ZNF267: variants seen among roughly 807,000 people sequenced by gnomAD.
ZNF267 encodes the protein zinc finger (C2H2).
In ZNF267, 61 loss-of-function variants were observed where a neutral mutation model predicts 71.6. The observed-to-expected ratio is 0.85, with a 90% CI of 0.69 to 1.05. The LOEUF (loss-of-function observed/expected upper bound fraction) is 1.05. Ranked by LOEUF, ZNF267 falls within the 50% of genes least tolerant of loss-of-function variation. The pLI is 0.00. For synonymous variants in ZNF267, 288 were observed against 293.2 expected, an observed-to-expected ratio of 0.98 and a Z score of 0.18; for missense variants, 852 against 870.0, an observed-to-expected ratio of 0.98 and a Z score of 0.26.
chr16:31,876,805 G>A (rs540862292), intron 1 of ZNF267, among the ~76,000 whole-genome samples: 1 of 152,302 alleles, frequency 6.6e-6, no homozygotes, highest in East Asian at 1.9e-4. Flanking sequence ...AGCTCAGAGA[G>A]TGCAAACTAA....
intron 3 of ZNF267, among the ~76,000 whole-genome samples, chr16:31,886,810 A>G (rs2083927466): frequency 6.6e-6 from 1 of 152,244 alleles, no homozygotes; most frequent in Non-Finnish European, 1.5e-5. Context: ...TATTGTGAAT[A>G]ATTGGCTATG....
chr16:31,886,974 C>T (rs2083928421), intron 3 of ZNF267, among the ~76,000 whole-genome samples: 1 of 152,088 alleles, frequency 6.6e-6, no homozygotes, highest in South Asian at 2.1e-4. Flanking sequence ...ATTTACATTT[C>T]CACTGACAGT....
Position 31,884,518 on chromosome 16 carries a change from T to C in ZNF267, c.24T>C (p.Asp8=). Reference sequence around the variant, plus strand: ...TTCAGGGACTGTTGACATTCAGGGATGTGGCCGTAGAATTCTCTTTGGAGG... The same window carrying C: ...TTCAGGGACTGTTGACATTCAGGGACGTGGCCGTAGAATTCTCTTTGGAGG... The part of the protein sequence containing the change: MGLLTFR[D]VAVEFSLEEW... Residue 8 remains aspartate, a synonymous_variant, in exon 2 of 4, where the codon GAT becomes GAC. Coordinates refer to ENST00000300870, the MANE Select transcript of ZNF267 (RefSeq NM_003414.6). 1 of 1,614,170 alleles carries C rather than the reference T, an allele frequency of 6.2e-7. No individual in the cohort carries two copies. Among genetic ancestry groups the C allele is most frequent in the African/African-American group, 1.3e-5 (1 of 75,058 alleles).
At chr16:31,907,097 T>C (rs8048908) in intron 3 of ZNF267, among the ~76,000 whole-genome samples, 133,585 of 151,938 alleles carry the variant, frequency 0.88, 60,239 homozygotes, top group East Asian at 1. Flanking sequence ...TGGCCTTGTA[T>C]GTGCCAAGTC....
intron 3 of ZNF267, among the ~76,000 whole-genome samples, chr16:31,909,374 C>A (rs2084118676): frequency 6.6e-6 from 1 of 152,068 alleles, no homozygotes; most frequent in Non-Finnish European, 1.5e-5. Context: ...CTCAAGTGAT[C>A]TGCCCACCTC....
chr16:31,898,779 G>C (rs1478668224), intron 3 of ZNF267, among the ~76,000 whole-genome samples: 1 of 152,012 alleles, frequency 6.6e-6, no homozygotes, highest in Non-Finnish European at 1.5e-5. Context: ...CATTAACACA[G>C]ATTTACGGTT....
chr16:31,880,047 A>C (rs564442654), intron 1 of ZNF267, among the ~76,000 whole-genome samples: 22 of 152,304 alleles, frequency 1.4e-4, no homozygotes, highest in Admixed American at 5.9e-4. Context: ...ATACACAAGA[A>C]TTGCAGAGCC....
intron 3 of ZNF267, among the ~76,000 whole-genome samples, chr16:31,907,756 G>A (rs1044559802): frequency 1.1e-4 from 16 of 152,078 alleles, no homozygotes; most frequent in Admixed American, 6.6e-5. Flanking sequence ...AATAAATATG[G>A]CTGGGCGCAG....
intron 3 of ZNF267, among the ~76,000 whole-genome samples, chr16:31,899,971 A>T (rs1293709630): frequency 1.3e-5 from 2 of 152,030 alleles, no homozygotes; most frequent in African/African-American, 4.8e-5. Context: ...ATTTTAATTG[A>T]ACCCTTGGTG....
intron 3 of ZNF267, among the ~76,000 whole-genome samples, chr16:31,903,149 G>A (rs1380871444): frequency 6.6e-6 from 1 of 152,150 alleles, no homozygotes; most frequent in South Asian, 2.1e-4. Flanking sequence ...ACTTGATCAT[G>A]GTGGATAAGG....
In ZNF267 at chr16:31,894,338, CACTT is replaced by C. The variant is rs927354115; in HGVS notation, c.226+9087_226+9090del. Among the ~76,000 whole-genome samples, 71 of 152,354 alleles carry C rather than the reference CACTT, an allele frequency of 4.7e-4. 1 individual carries two copies. The highest frequency in any genetic ancestry group is 7.9e-4 in the Non-Finnish European group (54 of 68,034). Reference sequence around the variant, plus strand: ...TGACTGTTTATGATTTCTTGGACCACACTTACTTTAGCAAGGTCTTCCTTATAGC... The same window carrying C: ...TGACTGTTTATGATTTCTTGGACCACACTTTAGCAAGGTCTTCCTTATAGC... On this transcript the variant is annotated intron_variant, in intron 3 of 3. Coordinates refer to ENST00000300870, the MANE Select transcript of ZNF267 (RefSeq NM_003414.6).
chr16:31,905,045 A>C (rs1479244347), intron 3 of ZNF267, among the ~76,000 whole-genome samples: 13 of 152,048 alleles, frequency 8.5e-5, no homozygotes, highest in Non-Finnish European at 1.9e-4. Flanking sequence ...TCACTTATGA[A>C]GCTTAGTTTG....
rs759989535 is a variant in ZNF267 at position 31,914,787 on chromosome 16, G to A, written c.538G>A (p.Glu180Lys). Residue 180 changes from glutamate (E) to lysine (K), a missense_variant, in exon 4 of 4, where the codon GAA (glutamate) becomes AAA (lysine). Coordinates refer to ENST00000300870, the MANE Select transcript of ZNF267 (RefSeq NM_003414.6). The stretch of plus-strand genomic sequence containing the variant: ...TTCATCATTGCTTAATCAACAAGAG[G>A]AAATAGATATTTGGGGAAAACATCA... The part of the protein sequence containing the change: ...THSSLLNQQE[E>K]IDIWGKHHIY... The A allele has an allele frequency of 6.8e-6, 11 of 1,613,158 alleles. No individual in the cohort carries two copies. Among genetic ancestry groups the A allele is most frequent in the Non-Finnish European group, 9.3e-6 (11 of 1,179,818 alleles).
rs1261534746 is a variant in ZNF267, at chr16:31,915,620, T to G, written c.1371T>G (p.Thr457=). 6.2e-7 allele frequency: 1 copy of G among 1,613,826 alleles called. No individual in the cohort carries two copies. The highest frequency in any genetic ancestry group is 1.3e-5 in the African/African-American group (1 of 75,024). The part of the protein sequence containing the change: ...RSSCLTQHQT[T]HTGEKLYKCK... ...CATGCCTTACTCAACATCAGACAACTCATACAGGAGAAAAACTTTACAAAT... is the reference window on the plus strand; with the variant it reads ...CATGCCTTACTCAACATCAGACAACGCATACAGGAGAAAAACTTTACAAAT... The change falls in exon 4 of 4, where the codon ACT becomes ACG. Residue 457 remains threonine (T), a synonymous_variant. Coordinates refer to ENST00000300870, the MANE Select transcript of ZNF267 (RefSeq NM_003414.6).
At chr16:31,894,690 C>T in intron 3 of ZNF267, 1 of 477,592 alleles carries the variant, frequency 2.1e-6, no homozygotes, top group East Asian at 5.5e-5. Flanking sequence ...TCCTGAGATA[C>T]CGCTCATGCC....
rs747655458 is a variant in ZNF267, at chr16:31,916,227, T to C, written c.1978T>C (p.Tyr660His). 2 of 1,614,020 alleles carry C rather than the reference T, an allele frequency of 1.2e-6. No individual in the cohort carries two copies. Among genetic ancestry groups the C allele is most frequent in the South Asian group, 2.2e-5 (2 of 91,082 alleles). Reference protein sequence around the residue: ...HQRSHTGERPYKCEECGKAFN... With the variant: ...HQRSHTGERPHKCEECGKAFN... ...GAGAAGTCATACTGGAGAGAGACCCTACAAATGTGAAGAATGTGGCAAAGC... is the reference window on the plus strand; with the variant it reads ...GAGAAGTCATACTGGAGAGAGACCCCACAAATGTGAAGAATGTGGCAAAGC... The change falls in exon 4 of 4, where the codon TAC becomes CAC. Residue 660 changes from tyrosine to histidine, a missense_variant. Physicochemically the swap from Tyr to His is moderately conservative, Grantham distance 83. Coordinates refer to ENST00000300870, the MANE Select transcript of ZNF267 (RefSeq NM_003414.6).
At chr16:31,899,994 A>G (rs2084026366) in intron 3 of ZNF267, among the ~76,000 whole-genome samples, 2 of 151,644 alleles carry the variant, frequency 1.3e-5, no homozygotes, top group Admixed American at 6.6e-5. Flanking sequence ...ATCCATATAT[A>G]TATACACACA....
Position 31,884,627 on chromosome 16 carries a change from G to A in ZNF267, c.130+3G>A, listed in dbSNP as rs748620767. On this transcript the variant is annotated splice_donor_region_variant and intron_variant, in intron 2 of 3. Transcript: ENST00000300870. ...CTACAGAAACCTGGTCTCTCTGGGT[G>A]AGGATAACTTGCCTTCGGAATATCT... is the stretch of plus-strand genomic sequence containing the variant. The A allele has an allele frequency of 5.0e-6, 8 of 1,610,154 alleles. No individual in the cohort carries two copies. The South Asian group carries it at 5.5e-5, about 11-fold the overall frequency.
At chr16:31,902,477 G>C (rs1417179562) in intron 3 of ZNF267, among the ~76,000 whole-genome samples, 1 of 152,128 alleles carries the variant, frequency 6.6e-6, no homozygotes, top group African/African-American at 2.4e-5. Context: ...TTGAGCAGTG[G>C]TTTGTAGTTC....
Sources: gnomAD v4.1 joint callset for allele counts (sites outside exome capture counted in the v4.1 genomes callset) on GRCh38, gnomAD v4.1.1 for gene constraint, MANE v1.5 for transcripts, NCBI Gene and HGNC (gene_info 2026-07-23, HGNC 2026-07-21) for gene names.